The following SLC1A2 variants were observed in gnomAD, a reference collection of about 807,000 sequenced individuals.
SLC1A2 encodes the protein excitatory amino acid transporter 2.
In SLC1A2, 15 loss-of-function variants were observed where a neutral mutation model predicts 48.8. The observed-to-expected ratio is 0.31, with a 90% confidence interval of 0.21 to 0.47. The LOEUF is 0.47. Ranked by LOEUF, SLC1A2 falls within the 20% of genes least tolerant of loss-of-function variation. The pLI is 0.99. For synonymous variants in SLC1A2, 279 were observed against 272.6 expected, an observed-to-expected ratio of 1.02 and a Z score of -0.23; for missense variants, 502 against 730.5, an observed-to-expected ratio of 0.69 and a Z score of 3.61.
At chr11:35,413,392 CTG>C (rs1484845099) in intron 1 of SLC1A2, among the ~76,000 whole-genome samples, 7 of 152,144 alleles carry the variant, frequency 4.6e-5, no homozygotes, top group Admixed American at 4.6e-4. Flanking sequence ...GTTTCTATAC[CTG>C]TAAAATGAGG....
intron 1 of SLC1A2, among the ~76,000 whole-genome samples, chr11:35,320,842 C>CTTGATGTCTTTTTGTTTACTTT (rs1486293246): frequency 1.3e-5 from 2 of 152,140 alleles, no homozygotes; most frequent in Non-Finnish European, 2.9e-5. Context: ...AGACAGAGCC[C>CTTGATGTCTTTTTGTTTACTTT]TTGATATCAT....
intron 1 of SLC1A2, among the ~76,000 whole-genome samples, chr11:35,375,850 A>G (rs1341377962): frequency 6.6e-6 from 1 of 152,148 alleles, no homozygotes; most frequent in Non-Finnish European, 1.5e-5. Flanking sequence ...CTTGATCTTC[A>G]CCGTGACCCT....
intron 1 of SLC1A2, among the ~76,000 whole-genome samples, chr11:35,340,056 T>C (rs961046453): frequency 6.6e-6 from 1 of 152,332 alleles, no homozygotes; most frequent in Admixed American, 6.5e-5. Context: ...CTTGTTAAGC[T>C]TTTTTCCTTG....
At chr11:35,301,370 A>T in intron 6 of SLC1A2, 149 bp downstream of exon 6, 1 of 673,238 alleles carries the variant, frequency 1.5e-6, no homozygotes, top group Non-Finnish European at 2.5e-6. Flanking sequence ...GCTCCAAAAA[A>T]GATATTTTCA....
At chr11:35,274,300 C>T (rs773608911) in intron 9 of SLC1A2, among the ~76,000 whole-genome samples, 38 of 152,140 alleles carry the variant, frequency 2.5e-4, no homozygotes, top group Non-Finnish European at 4.9e-4. Flanking sequence ...TGCCCCATCC[C>T]GCCTTGATCT....
chr11:35,262,500 G>T (rs1950408686), intron 10 of SLC1A2, among the ~76,000 whole-genome samples: 1 of 152,180 alleles, frequency 6.6e-6, no homozygotes, highest in Admixed American at 6.5e-5. Context: ...AGAAAAAGAG[G>T]ATGGCATTGG....
chr11:35,263,757 A>G (rs533057894), intron 10 of SLC1A2, among the ~76,000 whole-genome samples: 1 of 152,344 alleles, frequency 6.6e-6, no homozygotes, highest in South Asian at 2.1e-4. Context: ...TATCATCATT[A>G]CAACATTATA....
chr11:35,275,611 C>A (rs568912272), intron 9 of SLC1A2, among the ~76,000 whole-genome samples: 1 of 152,344 alleles, frequency 6.6e-6, no homozygotes, highest in South Asian at 2.1e-4. Context: ...AGCAGCTAAG[C>A]CTGCCTGTTG....
chr11:35,373,467 C>T (rs1430918827), intron 1 of SLC1A2, among the ~76,000 whole-genome samples: 2 of 152,032 alleles, frequency 1.3e-5, no homozygotes, highest in African/African-American at 4.8e-5. Flanking sequence ...AGCAGCTGGT[C>T]TAGGGAGGGG....
Position 35,312,818 on chromosome 11 carries a change from T to G in SLC1A2, c.311-370A>C, listed in dbSNP as rs185498658. Among the ~76,000 whole-genome samples, 636 of 152,314 alleles carry G rather than the reference T, an allele frequency of 4.2e-3. 6 individuals carry two copies. The highest frequency in any genetic ancestry group is 0.015 in the South Asian group (72 of 4,828). On this transcript the variant is annotated intron_variant, in intron 3 of 10. Coordinates refer to ENST00000278379, the MANE Select transcript of SLC1A2 (RefSeq NM_004171.4). Reference sequence around the variant, plus strand: ...TTATTTTGTATTTTTTATTAGTTTTTTTTCTCAAATATTTTCAATCTGCAC... The same window carrying G: ...TTATTTTGTATTTTTTATTAGTTTTGTTTCTCAAATATTTTCAATCTGCAC...
At chr11:35,361,889 T>A (rs796525262) in intron 1 of SLC1A2, among the ~76,000 whole-genome samples, 45 of 152,196 alleles carry the variant, frequency 3.0e-4, no homozygotes, top group African/African-American at 1.0e-3. Context: ...AAGTAGAGGA[T>A]CACTTGAGCC....
intron 1 of SLC1A2, among the ~76,000 whole-genome samples, chr11:35,358,798 A>T (rs555783931): frequency 1.0e-3 from 156 of 152,236 alleles, no homozygotes; most frequent in Non-Finnish European, 1.9e-3. Flanking sequence ...AGTACTAGCC[A>T]TTTTTTCCAA....
intron 4 of SLC1A2, among the ~76,000 whole-genome samples, chr11:35,309,690 A>G (rs1195094967): frequency 1.3e-5 from 2 of 151,240 alleles, no homozygotes; most frequent in African/African-American, 4.8e-5. Flanking sequence ...AATGACTTCT[A>G]GCTGTACTCA....
Position 35,260,199 on chromosome 11 carries a change from C to G in SLC1A2, c.*695G>C, listed in dbSNP as rs761749052. ...ATCAAATTTAGAAAGAATAATGAAA[C>G]ATACTTTGAAATTTCAACCATTGTT... On this transcript the variant is annotated 3_prime_UTR_variant, in exon 11 of 11. Transcript: ENST00000278379. 2 of 152,134 alleles carry G rather than the reference C, an allele frequency of 1.3e-5. No individual in the cohort carries two copies. Among genetic ancestry groups the G allele is most frequent in the Non-Finnish European group, 2.9e-5 (2 of 68,022 alleles). 9.4% of individuals were successfully genotyped at this position (152,134 alleles called of 1,614,324 possible).
intron 5 of SLC1A2, among the ~76,000 whole-genome samples, 157 bp downstream of exon 5, chr11:35,305,917 G>A (rs1851486994): frequency 6.6e-6 from 1 of 151,774 alleles, no homozygotes; most frequent in Admixed American, 6.6e-5. Context: ...TCCTTAAATC[G>A]CTCAGCTCTC....
At chr11:35,344,925 G>A (rs2135052934) in intron 1 of SLC1A2, among the ~76,000 whole-genome samples, 1 of 152,302 alleles carries the variant, frequency 6.6e-6, no homozygotes, top group East Asian at 1.9e-4. Context: ...TGAGCTAGAG[G>A]AGCTTTTAAT....
intron 1 of SLC1A2, among the ~76,000 whole-genome samples, chr11:35,324,972 A>T (rs1047883688): frequency 3.3e-5 from 5 of 152,204 alleles, no homozygotes; most frequent in Admixed American, 6.5e-5. Context: ...AGATTATGCC[A>T]TGGCCCAGGA....
chr11:35,337,191 A>G (rs1049297195), intron 1 of SLC1A2, among the ~76,000 whole-genome samples: 1 of 152,060 alleles, frequency 6.6e-6, no homozygotes, highest in Non-Finnish European at 1.5e-5. Context: ...GAGTACAGAG[A>G]AAAGTGCCCA....
intron 3 of SLC1A2, among the ~76,000 whole-genome samples, chr11:35,314,070 T>C (rs573679616): frequency 1.8e-4 from 28 of 152,160 alleles, no homozygotes; most frequent in Non-Finnish European, 2.8e-4. Flanking sequence ...TATTATTTGG[T>C]AAGGAGGAAA....
Sources: gnomAD v4.1 joint callset for allele counts (sites outside exome capture counted in the v4.1 genomes callset) on GRCh38, gnomAD v4.1.1 for gene constraint, MANE v1.5 for transcripts, NCBI Gene and HGNC (gene_info 2026-07-23, HGNC 2026-07-21) for gene names.